ST7L: variants seen among roughly 807,000 people sequenced by gnomAD.
ST7L encodes the protein suppressor of tumorigenicity 7 protein-like.
In ST7L, 57 loss-of-function variants were observed where a neutral mutation model predicts 72.5. The observed-to-expected ratio is 0.79, with a 90% CI of 0.64 to 0.98. The LOEUF (loss-of-function observed/expected upper bound fraction) is 0.98, where lower values mean the gene tolerates loss of function less well. ST7L is among the 50% of genes least tolerant of loss of function. The pLI is 0.00. For synonymous variants in ST7L, 221 were observed against 240.9 expected (o/e 0.92, Z 0.77); for missense variants, 576 against 672.2 (o/e 0.86, Z 1.58).
intron 11 of ST7L, among the ~76,000 whole-genome samples, chr1:112,564,194 G>A (rs566904948): frequency 6.6e-6 from 1 of 152,300 alleles, no homozygotes; most frequent in African/African-American, 2.4e-5. Flanking sequence ...AATTTCAGGA[G>A]CCAAATAAAG....
At chr1:112,607,038 G>C (rs1668356259) in intron 3 of ST7L, 1 of 152,114 alleles carries the variant, frequency 6.6e-6, no homozygotes, top group Non-Finnish European at 1.5e-5. Context: ...TAAATTTCCT[G>C]CTTTAATTTC....
chr1:112,566,427 A>G (rs1661063259), intron 11 of ST7L, among the ~76,000 whole-genome samples: 1 of 150,730 alleles, frequency 6.6e-6, no homozygotes, highest in South Asian at 2.1e-4. Flanking sequence ...CCTCCCAAGT[A>G]GCTGGGACTA....
intron 11 of ST7L, among the ~76,000 whole-genome samples, chr1:112,574,133 T>C (rs954612154): frequency 5.4e-5 from 8 of 149,480 alleles, no homozygotes; most frequent in African/African-American, 1.2e-4. Context: ...CCCTGGGTGG[T>C]CTTGAACTCT....
intron 2 of ST7L, among the ~76,000 whole-genome samples, chr1:112,614,598 T>C (rs920391227): frequency 4.6e-5 from 7 of 152,180 alleles, no homozygotes; most frequent in African/African-American, 9.6e-5. Flanking sequence ...TTTAAAAAAA[T>C]AGATCCAATA....
intron 5 of ST7L, among the ~76,000 whole-genome samples, chr1:112,593,805 C>T (rs1206955664): frequency 6.6e-6 from 1 of 152,108 alleles, no homozygotes; most frequent in Non-Finnish European, 1.5e-5. Context: ...TTAGTTATTA[C>T]TGATGACAGT....
chr1:112,528,103 A>C (rs1447675123), intron 14 of ST7L: 1 of 152,208 alleles, frequency 6.6e-6, no homozygotes, highest in Non-Finnish European at 1.5e-5. Flanking sequence ...GAATTAGGTT[A>C]ATGAGATTAA....
In ST7L at chr1:112,535,479, C is replaced by T. The variant is rs75322672; in HGVS notation, c.1629+6472G>A. Among the ~76,000 whole-genome samples, 375 of 152,172 alleles carry T rather than the reference C, an allele frequency of 2.5e-3. 4 individuals are homozygous for T. The East Asian group carries it at 0.03, about 12-fold the overall frequency. On this transcript the variant is annotated intron_variant, in intron 14 of 14. Transcript: ENST00000358039. ...GCACGGTGGCTCAAGCCTGTAATCC[C>T]AGCATTTTGGTAGGCCGGTGTGGAC...
At chr1:112,562,544 G>A (rs1660346567) in intron 11 of ST7L, among the ~76,000 whole-genome samples, 1 of 152,140 alleles carries the variant, frequency 6.6e-6, no homozygotes, top group South Asian at 2.1e-4. Context: ...TCCTTATAAA[G>A]GAGACAACAG....
Position 112,577,033 on chromosome 1 carries a change from C to A in ST7L, c.1198G>T (p.Val400Leu), listed in dbSNP as rs201867659. 3 of 1,610,120 alleles carry A rather than the reference C, an allele frequency of 1.9e-6. No homozygotes were observed. Among genetic ancestry groups the A allele is most frequent in the Non-Finnish European group, 2.5e-6 (3 of 1,177,674 alleles). Reference sequence around the variant, plus strand: ...TCCACAGCTCTATGAATTGCTTCCACGGCATTAATTTCTGCTGTGCTTAAT... The same window carrying A: ...TCCACAGCTCTATGAATTGCTTCCAAGGCATTAATTTCTGCTGTGCTTAAT... ...RGLSTAEINA[V>L]EAIHRAVEFN... The change falls in exon 11 of 15, where the codon GTG (valine) becomes TTG (leucine). Residue 400 changes from valine to leucine, a missense_variant. Transcript: ENST00000358039.
At chr1:112,612,288 A>G (rs941241148) in intron 2 of ST7L, among the ~76,000 whole-genome samples, 2 of 151,984 alleles carry the variant, frequency 1.3e-5, no homozygotes, top group South Asian at 2.1e-4. Flanking sequence ...TGTAGGGACA[A>G]GGTTTTGCCA....
At chr1:112,610,724 T>C (rs1383707631) in intron 3 of ST7L, 117 bp downstream of exon 3, 51 of 1,278,672 alleles carry the variant, frequency 4.0e-5, no homozygotes, top group Middle Eastern at 2.0e-4. Flanking sequence ...GATTAGAATT[T>C]TGGGGGAAAC....
chr1:112,606,274 A>G (rs1668226383), intron 3 of ST7L, among the ~76,000 whole-genome samples: 1 of 152,162 alleles, frequency 6.6e-6, no homozygotes, highest in Non-Finnish European at 1.5e-5. Context: ...GGCTTCTCCT[A>G]TTCATCTCTT....
chr1:112,542,217 G>T, intron 13 of ST7L, 127 bp from the exon 14 acceptor site: 1 of 910,700 alleles, frequency 1.1e-6, no homozygotes, highest in Non-Finnish European at 1.6e-6. Flanking sequence ...AAAGTCTCTG[G>T]CTAAGCAAGG....
At chr1:112,617,713 TCTCTCACACACACACACACACACACA>T (rs1670103792) in intron 1 of ST7L, among the ~76,000 whole-genome samples, 1 of 93,352 alleles carries the variant, frequency 1.1e-5, no homozygotes, top group Admixed American at 1.0e-4. Flanking sequence ...TGTCTTTCTC[TCTCTCACACACACACACACACACACA>T]CACACACACA....
chr1:112,607,210 G>A (rs980430126), intron 3 of ST7L: 3 of 152,084 alleles, frequency 2.0e-5, no homozygotes, highest in African/African-American at 7.2e-5. Context: ...AAGGGGAAGT[G>A]TAAGAGGAAG....
At chr1:112,584,233 C>A in intron 6 of ST7L, 107 bp from the exon 7 acceptor site, 2 of 1,157,908 alleles carry the variant, frequency 1.7e-6, no homozygotes, top group Non-Finnish European at 2.3e-6. Context: ...ACACTTTTTC[C>A]ATCTTTAGAA....
chr1:112,607,082 T>G (rs1668363135), intron 3 of ST7L: 1 of 152,210 alleles, frequency 6.6e-6, no homozygotes, highest in South Asian at 2.1e-4. Flanking sequence ...ATAGTCCACA[T>G]TTAAACAAAG....
At chr1:112,609,083 T>C (rs1001563663) in intron 3 of ST7L, among the ~76,000 whole-genome samples, 9 of 152,130 alleles carry the variant, frequency 5.9e-5, no homozygotes, top group Non-Finnish European at 1.3e-4. Context: ...TTCCAACATT[T>C]TGGGAGACTG....
At chr1:112,575,064 T>G in intron 11 of ST7L, among the ~76,000 whole-genome samples, 1 of 151,912 alleles carries the variant, frequency 6.6e-6, no homozygotes, top group East Asian at 1.9e-4. Flanking sequence ...TGGTGAAACC[T>G]CGTCTCTACT....
Sources: gnomAD v4.1 joint callset for allele counts (sites outside exome capture counted in the v4.1 genomes callset) on GRCh38, gnomAD v4.1.1 for gene constraint, MANE v1.5 for transcripts, NCBI Gene and HGNC (gene_info 2026-07-23, HGNC 2026-07-21) for gene names.